NOTCH1: variants seen among roughly 807,000 people sequenced by gnomAD.
The protein encoded by NOTCH1 is notch receptor 1.
In NOTCH1, 37 loss-of-function variants were observed where a neutral mutation model predicts 254.8. The ratio of observed to expected loss-of-function variants is 0.15; its 90% CI spans 0.11 to 0.19. The LOEUF (loss-of-function observed/expected upper bound fraction) is 0.19, where lower values mean the gene tolerates loss of function less well. Ranked by LOEUF, NOTCH1 falls within the 10% of genes least tolerant of loss-of-function variation. The pLI is 1.00. For missense variants in NOTCH1, 2,972 were observed against 3,708.6 expected (o/e 0.80, Z 5.16); for synonymous variants, 1,731 against 1,618.1 (o/e 1.07, Z -1.68).
At chr9:136,532,789 G>T (rs147642262) in intron 2 of NOTCH1, among the ~76,000 whole-genome samples, 2,455 of 152,296 alleles carry the variant, frequency 0.016, 22 homozygotes, top group Non-Finnish European at 0.025. Context: ...CGGCCCACGT[G>T]GGGGAAAGAA....
chr9:136,523,749 T>G lies in NOTCH1; in HGVS notation c.371A>C (p.Glu124Ala). Residue 124 changes from glutamate (E) to alanine (A), a missense_variant, in exon 3 of 34, where the codon GAG becomes GCG. Physicochemically the swap from Glu to Ala is moderately radical, Grantham distance 107 (BLOSUM62 -1). This residue lies in a region of NOTCH1 where 374 missense variants were observed against 496.3 expected (regional missense o/e 0.75). Coordinates refer to ENST00000651671, the MANE Select transcript of NOTCH1 (RefSeq NM_017617.5). ...GCCGGGCGGGCAGCGGCACTTGTAC[T>G]CCGTCAGCGTGAGCAGGTCGCAGGT... ...GGTCDLLTLT[E>A]YKCRCPPGWS... The G allele has an allele frequency of 6.2e-7, 1 of 1,610,616 alleles. No homozygotes were observed. The highest frequency in any genetic ancestry group is 8.5e-7 in the Non-Finnish European group (1 of 1,179,418).
rs760352129 is a variant in NOTCH1 at position 136,509,781 on chromosome 9, C to T, written c.2921G>A (p.Gly974Asp). Residue 974 changes from glycine to aspartate, a missense_variant, in exon 18 of 34, where the codon GGC (glycine) becomes GAC (aspartate). Transcript: ENST00000651671. ...GTTCTCACAGTGGATCCCGCTGAAGCCTGCGGGGCAGGTGCACGTGTAGCT... is the reference window on the plus strand; with the variant it reads ...GTTCTCACAGTGGATCCCGCTGAAGTCTGCGGGGCAGGTGCACGTGTAGCT... ...VDSYTCTCPA[G>D]FSGIHCENNT... 1.9e-6 allele frequency: 3 copies of T among 1,613,120 alleles called. No individual in the cohort carries two copies. In the Admixed American group the frequency reaches 5.0e-5, roughly 27 times the overall value.
Position 136,497,132 on chromosome 9 carries a change from G to A in NOTCH1, c.6607C>T (p.Leu2203=), listed in dbSNP as rs1589053195. 1.2e-6 allele frequency: 2 copies of A among 1,612,620 alleles called. No homozygotes were observed. The highest frequency in any genetic ancestry group is 8.5e-7 in the Non-Finnish European group (1 of 1,179,914). ...GACAGGTAGCCATGGGGTGACTCCAGGGAGTCCACGGGCGAGAGCATGCCG... is the reference window on the plus strand; with the variant it reads ...GACAGGTAGCCATGGGGTGACTCCAAGGAGTCCACGGGCGAGAGCATGCCG... ...SSGMLSPVDS[L]ESPHGYLSDV... Residue 2203 remains leucine, a synonymous_variant, in exon 34 of 34, where the codon CTG becomes TTG. Transcript: ENST00000651671.
rs139325424 is a variant in NOTCH1 at position 136,532,054 on chromosome 9, C to T, written c.141-8075G>A. Among the ~76,000 whole-genome samples the T allele has an allele frequency of 1.8e-3, 276 of 152,354 alleles. 1 individual carries two copies. Among genetic ancestry groups the T allele is most frequent in the African/African-American group, 5.6e-3 (234 of 41,584 alleles). On this transcript the variant is annotated intron_variant, in intron 2 of 33. Transcript: ENST00000651671. ...AGAGCCTCACTCTGCCCGGGCCCAGCGTGATCACCGGGCGCCTGGGATTAC... is the reference window on the plus strand; with the variant it reads ...AGAGCCTCACTCTGCCCGGGCCCAGTGTGATCACCGGGCGCCTGGGATTAC...
At position 136,518,263 on chromosome 9, in the gene NOTCH1, T is replaced by C; in HGVS notation, c.1129A>G (p.Ile377Val). 2 of 1,611,326 alleles carry C rather than the reference T, an allele frequency of 1.2e-6. No individual in the cohort carries two copies. Among genetic ancestry groups the C allele is most frequent in the Non-Finnish European group, 1.7e-6 (2 of 1,179,398 alleles). ...GAGCCCTCGTTACAGGGGTTGCTGA[T>C]GCATGCGTCGTTGAGGTGGCACAGC... ...GLLCHLNDACISNPCNEGSNC... is the reference protein window; with the variant it reads ...GLLCHLNDACVSNPCNEGSNC... Residue 377 changes from isoleucine (I) to valine (V), a missense_variant, in exon 7 of 34, where the codon ATC (isoleucine) becomes GTC (valine). Transcript: ENST00000651671.
chr9:136,527,274 A>T (rs1024258482), intron 2 of NOTCH1, among the ~76,000 whole-genome samples: 24 of 152,344 alleles, frequency 1.6e-4, no homozygotes, highest in Non-Finnish European at 2.9e-4. Context: ...GAGGGACCTC[A>T]GGCCTGCAGC....
chr9:136,518,928 TG>T (rs1173181732), intron 5 of NOTCH1, 104 bp from the exon 6 acceptor site: 2 of 946,310 alleles, frequency 2.1e-6, no homozygotes, highest in Non-Finnish European at 3.4e-6. Context: ...GAAGCCTTCC[TG>T]GGCTGACTCC....
chr9:136,518,359 G>A, intron 6 of NOTCH1, 67 bp from the exon 7 acceptor site: 2 of 1,549,742 alleles, frequency 1.3e-6, no homozygotes, highest in Non-Finnish European at 1.7e-6. Flanking sequence ...CCCACGGCTG[G>A]GGTCCAACCC....
Position 136,495,964 on chromosome 9 carries a change from A to AT in NOTCH1, c.*106_*107insA. ...AATCCTCGTTCTTATTTTGTATAAA[A>AT]ACATGTGTTTTAAAAAGGCTCCTCT... On this transcript the variant is annotated 3_prime_UTR_variant, in exon 34 of 34. Transcript: ENST00000651671. The AT allele has an allele frequency of 2.5e-6, 3 of 1,185,684 alleles. No individual in the cohort carries two copies. Among genetic ancestry groups the AT allele is most frequent in the South Asian group, 1.5e-5 (1 of 68,578 alleles). The allele number at this position is 1,185,684 out of a possible 1,614,324, so 73.4% of individuals were successfully genotyped here. A position where few individuals can be genotyped will look rare whatever the true frequency, so the allele number is the denominator to read the frequency against.
rs368011392 is a variant in NOTCH1, at chr9:136,510,757, C to T, written c.2636G>A (p.Arg879Gln). Residue 879 changes from arginine to glutamine, a missense_variant, in exon 17 of 34, where the codon CGG becomes CAG. By Grantham distance (43) the Arg-to-Gln change is conservative. This residue lies in a region of NOTCH1 where 1,343 missense variants were observed against 1,557.0 expected (regional missense o/e 0.86). Coordinates refer to ENST00000651671, the MANE Select transcript of NOTCH1 (RefSeq NM_017617.5). ...GGTGTTCTGGCAGGATGCGCCGTGC[C>T]GGCACGGGCTCAGAACGCACTCGTT... ...DINECVLSPC[R>Q]HGASCQNTHG... is the part of the protein sequence containing the mutation. The T allele has an allele frequency of 8.3e-5, 133 of 1,610,520 alleles. 1 individual carries two copies. Among genetic ancestry groups the T allele is most frequent in the East Asian group, 2.5e-4 (11 of 44,870 alleles).
rs1842926658 is a variant in NOTCH1 at position 136,496,975 on chromosome 9, A to G, written c.6764T>C (p.Met2255Thr). 1 of 1,610,830 alleles carries G rather than the reference A, an allele frequency of 6.2e-7. No individual in the cohort carries two copies. Among genetic ancestry groups the G allele is most frequent in the East Asian group, 2.2e-5 (1 of 44,840 alleles). Reference sequence around the variant, plus strand: ...CCGGCCGCCCCCACCCAGCGCCGCCATCTCGGGCTTGGCCGCCACGTTCAG... The same window carrying G: ...CCGGCCGCCCCCACCCAGCGCCGCCGTCTCGGGCTTGGCCGCCACGTTCAG... Reference protein sequence around the residue: ...GHLNVAAKPEMAALGGGGRLA... With the variant: ...GHLNVAAKPETAALGGGGRLA... The change falls in exon 34 of 34, where the codon ATG becomes ACG. Residue 2255 changes from methionine (M) to threonine (T), a missense_variant. Physicochemically the swap from Met to Thr is moderately conservative, Grantham distance 81. Around this residue, in one of 8 missense-constraint regions of NOTCH1, gnomAD observed 529 missense variants for 529.2 expected, o/e 1.00. Transcript: ENST00000651671.
intron 2 of NOTCH1, among the ~76,000 whole-genome samples, chr9:136,532,647 C>T (rs560811816): frequency 7.8e-4 from 119 of 152,316 alleles, no homozygotes; most frequent in African/African-American, 2.5e-3. Context: ...CAACAATTCG[C>T]GGCAGTCGCC....
chr9:136,544,036 G>A lies in NOTCH1; in HGVS notation c.128C>T (p.Thr43Met), dbSNP rs371103280. The A allele has an allele frequency of 1.2e-5, 19 of 1,573,664 alleles. No homozygotes were observed. In the East Asian group the frequency reaches 2.1e-4, roughly 17 times the overall value. ...NGGKCEAANG[T>M]EACVCGGAFV... ...GGGTGGTACTCACACGCAGGCCTCC[G>A]TGCCATTGGCCGCTTCACACTTCCC... Residue 43 changes from threonine to methionine, a missense_variant, in exon 2 of 34, where the codon ACG (threonine) becomes ATG (methionine). Coordinates refer to ENST00000651671, the MANE Select transcript of NOTCH1 (RefSeq NM_017617.5).
At chr9:136,499,040 G>A (rs1314605243) in intron 32 of NOTCH1, 44 bp from the exon 33 acceptor site, 3 of 1,612,526 alleles carry the variant, frequency 1.9e-6, no homozygotes, top group Non-Finnish European at 2.5e-6. Context: ...ACCAGCTGGA[G>A]GCAACCCAGT....
At position 136,517,959 on chromosome 9, in the gene NOTCH1, G is replaced by C. The variant is rs1408723654; in HGVS notation, c.1256-22C>G. On this transcript the variant is annotated intron_variant, in intron 7 of 33. Coordinates refer to ENST00000651671, the MANE Select transcript of NOTCH1 (RefSeq NM_017617.5). Reference sequence around the variant, plus strand: ...GCACCTGGCGAGGGCACACGGGTGAGAGGCTGCTCCAGGCACCCTGGCCCC... The same window carrying C: ...GCACCTGGCGAGGGCACACGGGTGACAGGCTGCTCCAGGCACCCTGGCCCC... 6 of 1,605,736 alleles carry C rather than the reference G, an allele frequency of 3.7e-6. No homozygotes were observed. The Admixed American group carries it at 1.0e-4, about 27-fold the overall frequency.
In NOTCH1 at chr9:136,502,158, G is replaced by A. The variant is rs115105090; in HGVS notation, c.5385-70C>T. On this transcript the variant is annotated intron_variant, in intron 28 of 33. Transcript: ENST00000651671. Reference sequence around the variant, plus strand: ...GGAAGCCCCCAGAGACCCCTGGCCCGGGCCTGGCGTGGGAGGTGGGCCCTG... The same window carrying A: ...GGAAGCCCCCAGAGACCCCTGGCCCAGGCCTGGCGTGGGAGGTGGGCCCTG... The A allele has an allele frequency of 4.9e-3, 7,840 of 1,599,592 alleles. 314 individuals are homozygous for A. In the African/African-American group the frequency reaches 0.088, roughly 18 times the overall value.
At position 136,501,955 on chromosome 9, in the gene NOTCH1, C is replaced by T. The variant is rs200747104; in HGVS notation, c.5473-42G>A. 455 of 1,611,704 alleles carry T rather than the reference C, an allele frequency of 2.8e-4. No individual in the cohort carries two copies. In the African/African-American group the frequency reaches 4.6e-3, roughly 16 times the overall value. On this transcript the variant is annotated intron_variant, in intron 29 of 33. Transcript: ENST00000651671. ...AGCAGAGCCTGTCAGGGCAGCCCGGCAGCAGGTGCCCGGGAGCCCAGGAGC... is the reference window on the plus strand; with the variant it reads ...AGCAGAGCCTGTCAGGGCAGCCCGGTAGCAGGTGCCCGGGAGCCCAGGAGC...
chr9:136,518,062 C>T, intron 7 of NOTCH1, 75 bp downstream of exon 7: 1 of 1,551,852 alleles, frequency 6.4e-7, no homozygotes, highest in South Asian at 1.2e-5. Flanking sequence ...CCCCTGAAGC[C>T]AGAATCGACT....
rs370515392 is a variant in NOTCH1, at chr9:136,514,684, T to C, written c.2033A>G (p.Asn678Ser). The C allele has an allele frequency of 1.2e-6, 2 of 1,612,370 alleles. No homozygotes were observed. The highest frequency in any genetic ancestry group is 2.7e-5 in the African/African-American group (2 of 74,868). Residue 678 changes from asparagine (N) to serine (S), a missense_variant, in exon 13 of 34, where the codon AAC becomes AGC. Physicochemically the swap from Asn to Ser is conservative, Grantham distance 46. Coordinates refer to ENST00000651671, the MANE Select transcript of NOTCH1 (RefSeq NM_017617.5). Reference protein sequence around the residue: ...PGYTGSMCNINIDECAGNPCH... With the variant: ...PGYTGSMCNISIDECAGNPCH... ...GGGGTTGCCCGCACACTCATCGATG[T>C]TGATGTTACACATGCTCCCTAAGGG... is the stretch of plus-strand genomic sequence containing the variant.
Sources: allele counts gnomAD v4.1 joint callset (sites outside exome capture counted in the v4.1 genomes callset), GRCh38; gene constraint gnomAD v4.1.1; regional missense constraint gnomAD v4.1.1; transcripts MANE v1.5; gene names NCBI Gene and HGNC (gene_info 2026-07-23, HGNC 2026-07-21).